Variants in ERGIC2 observed in about 807,000 individuals in gnomAD.
The protein encoded by ERGIC2 is ERGIC and golgi 2.
A neutral mutation model predicts 52.5 loss-of-function variants in ERGIC2; 31 were observed. The ratio of observed to expected loss-of-function variants is 0.59; its 90% confidence interval spans 0.44 to 0.80. The LOEUF (loss-of-function observed/expected upper bound fraction) is 0.80, where lower values mean the gene tolerates loss of function less well. ERGIC2 is among the 30% of genes least tolerant of loss of function. ERGIC2 has a pLI of 0.00. For missense variants in ERGIC2, 395 were observed against 455.2 expected (o/e 0.87, Z 1.20); for synonymous variants, 129 against 140.6 (o/e 0.92, Z 0.58).
chr12:29,357,568 C>A (rs1319631759), intron 7 of ERGIC2, 55 bp downstream of exon 7: 1 of 928,932 alleles, frequency 1.1e-6, no homozygotes, highest in Non-Finnish European at 1.7e-6. Context: ...TTAGTTTTAA[C>A]TATGTCAAAG....
In ERGIC2 at chr12:29,347,729, AT is replaced by A. The variant is rs553364905; in HGVS notation, c.727+1349del. Among the ~76,000 whole-genome samples the A allele has an allele frequency of 3.3e-5, 5 of 152,246 alleles. No homozygotes were observed. In the East Asian group the frequency reaches 9.7e-4, roughly 29 times the overall value. Reference sequence around the variant, plus strand: ...CTGACATAGCAGATATGTAATGTTGATTTTTTTCTTTTTGGAAAAAGAGGCT... The same window carrying A: ...CTGACATAGCAGATATGTAATGTTGATTTTTTCTTTTTGGAAAAAGAGGCT... On this transcript the variant is annotated intron_variant, in intron 10 of 13. Transcript: ENST00000360150.
rs749198696 is a variant in ERGIC2, at chr12:29,356,481, T to C, written c.477-4A>G. ...AGACTGTGATGAATCATCTTCTCTG[T>C]TAAAATAAGATATATTATTTAAAGC... On this transcript the variant is annotated splice_region_variant and splice_polypyrimidine_tract_variant and intron_variant, in intron 7 of 13. Transcript: ENST00000360150. 11 of 1,502,102 alleles carry C rather than the reference T, an allele frequency of 7.3e-6. No homozygotes were observed. The East Asian group carries it at 1.1e-4, about 15-fold the overall frequency. The allele number at this position is 1,502,102 out of a possible 1,614,324, so 93.0% of individuals were successfully genotyped here.
At chr12:29,353,638 T>TC (rs1411719244) in intron 8 of ERGIC2, among the ~76,000 whole-genome samples, 8 of 151,950 alleles carry the variant, frequency 5.3e-5, no homozygotes, top group Non-Finnish European at 1.0e-4. Flanking sequence ...TAAGGGATGC[T>TC]CAACCTATAC....
intron 1 of ERGIC2, among the ~76,000 whole-genome samples, chr12:29,376,070 G>C (rs558852613): frequency 4.6e-5 from 7 of 152,282 alleles, no homozygotes; most frequent in South Asian, 2.1e-4. Context: ...GGTTACAGAA[G>C]TATCATGTTT....
At chr12:29,367,056 A>G in intron 4 of ERGIC2, 109 bp from the exon 5 acceptor site, 1 of 515,330 alleles carries the variant, frequency 1.9e-6, no homozygotes, top group Non-Finnish European at 3.3e-6. Context: ...GCAAAAAAAA[A>G]AAAAAAACCT....
intron 1 of ERGIC2, among the ~76,000 whole-genome samples, chr12:29,378,550 A>T (rs1400116896): frequency 2.6e-5 from 4 of 152,032 alleles, no homozygotes; most frequent in Admixed American, 2.6e-4. Flanking sequence ...ACAATAAAAA[A>T]CATTTTATAA....
At chr12:29,374,318 T>C (rs941751200) in intron 1 of ERGIC2, among the ~76,000 whole-genome samples, 2 of 152,210 alleles carry the variant, frequency 1.3e-5, no homozygotes, top group Non-Finnish European at 2.9e-5. Context: ...TTGACTTAAG[T>C]GATATCACAT....
intron 10 of ERGIC2, among the ~76,000 whole-genome samples, chr12:29,347,128 C>T (rs1940063767): frequency 6.6e-6 from 1 of 152,188 alleles, no homozygotes; most frequent in African/African-American, 2.4e-5. Context: ...TTTGACCTTC[C>T]TCTCCACTTC....
Position 29,371,512 on chromosome 12 carries a change from G to T in ERGIC2, c.106+16C>A. 6.5e-7 allele frequency: 1 copy of T among 1,533,662 alleles called. No homozygotes were observed. The highest frequency in any genetic ancestry group is 8.9e-7 in the Non-Finnish European group (1 of 1,128,276). Reference sequence around the variant, plus strand: ...TTGTACTTACTACAGAACTTTTAATGTTAACTGATACTCACCTGTACCTCC... The same window carrying T: ...TTGTACTTACTACAGAACTTTTAATTTTAACTGATACTCACCTGTACCTCC... On this transcript the variant is annotated intron_variant, in intron 2 of 13. Coordinates refer to ENST00000360150, the MANE Select transcript of ERGIC2 (RefSeq NM_016570.3).
Position 29,371,611 on chromosome 12 carries a change from T to C in ERGIC2, c.23A>G (p.Lys8Arg), listed in dbSNP as rs1382904310. 7 of 1,613,416 alleles carry C rather than the reference T, an allele frequency of 4.3e-6. No individual in the cohort carries two copies. Among genetic ancestry groups the C allele is most frequent in the African/African-American group, 1.3e-5 (1 of 74,904 alleles). MRRLNRK[K>R]TLSLVKELDA... ...CAACTCTTTTACCAAACTTAAAGTT[T>C]TTTTCCGATTCAGTCGCCTCATCTT... Residue 8 changes from lysine to arginine, a missense_variant, in exon 2 of 14, where the codon AAA becomes AGA. Coordinates refer to ENST00000360150, the MANE Select transcript of ERGIC2 (RefSeq NM_016570.3).
chr12:29,371,382 A>T (rs1940437374), intron 2 of ERGIC2, 146 bp downstream of exon 2: 2 of 544,532 alleles, frequency 3.7e-6, no homozygotes, highest in Non-Finnish European at 6.5e-6. Context: ...TACAGCCAAC[A>T]GAGTGGCATG....
At chr12:29,372,596 A>G (rs887801423) in intron 1 of ERGIC2, 1 of 151,994 alleles carries the variant, frequency 6.6e-6, no homozygotes, top group Non-Finnish European at 1.5e-5. Context: ...ACAGAAACAA[A>G]TCCATTGTAT....
intron 8 of ERGIC2, among the ~76,000 whole-genome samples, chr12:29,353,404 T>C (rs1940159710): frequency 6.6e-6 from 1 of 152,164 alleles, no homozygotes; most frequent in Non-Finnish European, 1.5e-5. Context: ...AATAACCAAA[T>C]TACAATACTA....
intron 10 of ERGIC2, among the ~76,000 whole-genome samples, chr12:29,348,260 G>T (rs1259228580): frequency 6.6e-6 from 1 of 151,806 alleles, no homozygotes; most frequent in Non-Finnish European, 1.5e-5. Context: ...AAAAAGTAAA[G>T]AATATGAATA....
Position 29,340,810 on chromosome 12 carries a change from G to A in ERGIC2, c.*346C>T, listed in dbSNP as rs1251870020. 3 of 432,098 alleles carry A rather than the reference G, an allele frequency of 6.9e-6. No homozygotes were observed. The highest frequency in any genetic ancestry group is 3.5e-5 in the South Asian group (2 of 57,396). 26.8% of individuals were successfully genotyped at this position (432,098 alleles called of 1,614,324 possible). A position where few individuals can be genotyped will look rare whatever the true frequency, so the allele number is the denominator to read the frequency against. ...CAATGTTTTTTTTTTTCCCATAGAT[G>A]TAGTTTCACTTATTTCCTTCAGGCT... is the stretch of plus-strand genomic sequence containing the variant. On this transcript the variant is annotated 3_prime_UTR_variant, in exon 14 of 14. Transcript: ENST00000360150.
At position 29,344,855 on chromosome 12, in the gene ERGIC2, G is replaced by T. The variant is rs535225173; in HGVS notation, c.825+588C>A. On this transcript the variant is annotated intron_variant, in intron 11 of 13. Transcript: ENST00000360150. ...AATAAGAAAACATGACCCCAAAGTA[G>T]ATAAGAAATCTATTAAACTGTCCAA... is the stretch of plus-strand genomic sequence containing the variant. 4.0e-4 allele frequency among the ~76,000 whole-genome samples: 61 copies of T among 152,208 alleles called. 1 individual carries two copies. The highest frequency in any genetic ancestry group is 6.6e-4 in the Non-Finnish European group (45 of 68,006).
intron 2 of ERGIC2, among the ~76,000 whole-genome samples, chr12:29,370,485 T>C (rs1591999183): frequency 6.6e-6 from 1 of 151,966 alleles, no homozygotes; most frequent in Admixed American, 6.6e-5. Context: ...TCTCCAATTT[T>C]AAGGGCATCT....
chr12:29,347,427 C>T (rs574639430), intron 10 of ERGIC2, among the ~76,000 whole-genome samples: 3 of 152,162 alleles, frequency 2.0e-5, no homozygotes, highest in African/African-American at 7.2e-5. Context: ...AAAAGATAAT[C>T]GCTTAGCTCA....
At chr12:29,366,212 T>C (rs1159003492) in intron 5 of ERGIC2, among the ~76,000 whole-genome samples, 1 of 151,982 alleles carries the variant, frequency 6.6e-6, no homozygotes, top group Non-Finnish European at 1.5e-5. Context: ...GAGGGCCTCA[T>C]GCTTATTCTC....
Sources: gnomAD v4.1 joint callset for allele counts (sites outside exome capture counted in the v4.1 genomes callset) on GRCh38, gnomAD v4.1.1 for gene constraint, MANE v1.5 for transcripts, NCBI Gene and HGNC (gene_info 2026-07-23, HGNC 2026-07-21) for gene names.